Variants in LRRTM4 observed in about 807,000 individuals in gnomAD.
LRRTM4 encodes the protein leucine rich repeat transmembrane neuronal 4.
A neutral mutation model predicts 47.6 loss-of-function variants in LRRTM4; 25 were observed. The ratio of observed to expected loss-of-function variants is 0.53; its 90% CI spans 0.38 to 0.73. LRRTM4 has a LOEUF of 0.73. Ranked by LOEUF, LRRTM4 falls within the 30% of genes least tolerant of loss-of-function variation. The probability of loss-of-function intolerance (pLI) is 0.00; values close to 1 mark genes in which losing one functional copy is unlikely to be tolerated. For synonymous variants in LRRTM4, 311 were observed against 269.5 expected (o/e 1.15, Z -1.51); for missense variants, 638 against 713.4 (o/e 0.89, Z 1.20).
At chr2:77,436,228 A>G (rs547048577) in intron 3 of LRRTM4, among the ~76,000 whole-genome samples, 1 of 152,266 alleles carries the variant, frequency 6.6e-6, no homozygotes, top group East Asian at 1.9e-4. Context: ...TTAATAGACT[A>G]TACACATTTG....
intron 3 of LRRTM4, among the ~76,000 whole-genome samples, chr2:77,250,613 T>C (rs957622482): frequency 2.0e-5 from 3 of 152,196 alleles, no homozygotes; most frequent in Non-Finnish European, 4.4e-5. Flanking sequence ...ATATATGCAT[T>C]AATTGGTAAA....
intron 3 of LRRTM4, among the ~76,000 whole-genome samples, chr2:77,487,827 A>G (rs898609301): frequency 2.6e-5 from 4 of 152,126 alleles, no homozygotes; most frequent in African/African-American, 9.7e-5. Flanking sequence ...AGCCCGTCAA[A>G]ACCCCTGGAT....
At chr2:77,293,557 A>G (rs1676889565) in intron 3 of LRRTM4, among the ~76,000 whole-genome samples, 1 of 152,178 alleles carries the variant, frequency 6.6e-6, no homozygotes, top group Non-Finnish European at 1.5e-5. Flanking sequence ...GCTAAAGTCT[A>G]AGCTCATATG....
intron 3 of LRRTM4, among the ~76,000 whole-genome samples, chr2:76,786,287 TGGC>T (rs1674666233): frequency 1.3e-5 from 2 of 152,184 alleles, no homozygotes; most frequent in East Asian, 1.9e-4. Context: ...AGTTTGAAAA[TGGC>T]GGAGATTGTA....
At chr2:77,059,812 T>C (rs1476939234) in intron 3 of LRRTM4, among the ~76,000 whole-genome samples, 6 of 152,224 alleles carry the variant, frequency 3.9e-5, no homozygotes, top group African/African-American at 1.4e-4. Flanking sequence ...CTTTTTACAT[T>C]AAATATATTT....
At chr2:77,129,216 C>T (rs1259366290) in intron 3 of LRRTM4, among the ~76,000 whole-genome samples, 1 of 152,120 alleles carries the variant, frequency 6.6e-6, no homozygotes, top group Non-Finnish European at 1.5e-5. Flanking sequence ...TGAAGCGAGA[C>T]CCATTAGTTT....
chr2:77,238,556 CA>C (rs1200135274), intron 3 of LRRTM4, among the ~76,000 whole-genome samples: 1 of 151,628 alleles, frequency 6.6e-6, no homozygotes, highest in Non-Finnish European at 1.5e-5. Context: ...ACAAAGTAAA[CA>C]AGCAAGAAGA....
chr2:77,499,407 T>G lies in LRRTM4; in HGVS notation c.1551+18911A>C, dbSNP rs562172834. ...TGAGGTCACATTGTCCTGGTCCCGG[T>G]TCTCTACACACTTACCTGACCCTGC... On this transcript the variant is annotated intron_variant, in intron 3 of 3. Transcript: ENST00000409884. Among the ~76,000 whole-genome samples the G allele has an allele frequency of 3.9e-5, 6 of 151,970 alleles. No individual in the cohort carries two copies. In the South Asian group the frequency reaches 6.2e-4, roughly 16 times the overall value.
chr2:76,797,557 C>G (rs916731911), intron 3 of LRRTM4, among the ~76,000 whole-genome samples: 2 of 151,706 alleles, frequency 1.3e-5, no homozygotes, highest in Non-Finnish European at 2.9e-5. Flanking sequence ...ACTGCATCAA[C>G]TAACCAGCAA....
At chr2:77,315,979 C>G (rs1477490225) in intron 3 of LRRTM4, among the ~76,000 whole-genome samples, 1 of 152,212 alleles carries the variant, frequency 6.6e-6, no homozygotes. Context: ...AGCCCCCTAT[C>G]CTGGTTCTTA....
chr2:77,240,172 C>T (rs1375295030), intron 3 of LRRTM4, among the ~76,000 whole-genome samples: 1 of 151,594 alleles, frequency 6.6e-6, no homozygotes, highest in Non-Finnish European at 1.5e-5. Flanking sequence ...AAAAAATACT[C>T]CTAAATAACT....
chr2:76,888,117 T>G (rs112484251), intron 3 of LRRTM4, among the ~76,000 whole-genome samples: 8 of 150,810 alleles, frequency 5.3e-5, no homozygotes, highest in African/African-American at 1.9e-4. Flanking sequence ...TACATATGTA[T>G]ACATATGTGT....
chr2:76,876,249 T>C (rs182616541), intron 3 of LRRTM4, among the ~76,000 whole-genome samples: 238 of 152,290 alleles, frequency 1.6e-3, no homozygotes, highest in Non-Finnish European at 2.8e-3. Context: ...AATGTTCTTT[T>C]ATAATATCTC....
intron 3 of LRRTM4, among the ~76,000 whole-genome samples, chr2:76,981,206 A>G (rs757077233): frequency 6.6e-6 from 1 of 152,120 alleles, no homozygotes; most frequent in Non-Finnish European, 1.5e-5. Context: ...AACACTGGTT[A>G]TATGTGGGAA....
chr2:76,782,862 A>G (rs756382345), intron 3 of LRRTM4, among the ~76,000 whole-genome samples: 59 of 152,194 alleles, frequency 3.9e-4, no homozygotes, highest in Non-Finnish European at 7.1e-4. Flanking sequence ...GTATTTTAGA[A>G]AATTTAAATC....
At chr2:77,350,278 A>T (rs1280024452) in intron 3 of LRRTM4, among the ~76,000 whole-genome samples, 1 of 125,378 alleles carries the variant, frequency 8.0e-6, no homozygotes, top group Non-Finnish European at 1.6e-5. Context: ...GTGAGCCGAG[A>T]TTGCGCCACT....
intron 3 of LRRTM4, among the ~76,000 whole-genome samples, chr2:76,910,146 C>T (rs1383414098): frequency 1.3e-5 from 2 of 152,076 alleles, no homozygotes; most frequent in African/African-American, 2.4e-5. Context: ...CACATAGACA[C>T]CATGGAATAC....
At chr2:76,928,945 A>G (rs892548867) in intron 3 of LRRTM4, among the ~76,000 whole-genome samples, 1 of 152,162 alleles carries the variant, frequency 6.6e-6, no homozygotes, top group South Asian at 2.1e-4. Context: ...ACAAAGCTCT[A>G]TGTAATATAG....
chr2:76,989,717 T>G (rs1346440925), intron 3 of LRRTM4: 1 of 151,828 alleles, frequency 6.6e-6, no homozygotes, highest in Admixed American at 6.6e-5. Flanking sequence ...ACCAGTCATA[T>G]TAAAGCTTAT....
Sources: gnomAD v4.1 joint callset for allele counts (sites outside exome capture counted in the v4.1 genomes callset) on GRCh38, gnomAD v4.1.1 for gene constraint, MANE v1.5 for transcripts, NCBI Gene and HGNC (gene_info 2026-07-23, HGNC 2026-07-21) for gene names.